Variants in CCDC171 observed in about 807,000 individuals in gnomAD.
CCDC171 encodes the protein coiled-coil domain-containing protein 171.
A neutral mutation model predicts 168.2 loss-of-function variants in CCDC171; 177 were observed. That is an observed-to-expected ratio of 1.05 (90% CI 0.93 to 1.19). CCDC171 has a LOEUF of 1.19. Ranked by LOEUF, CCDC171 falls within the 50% of genes most tolerant of loss-of-function variation. The pLI is 0.00. For synonymous variants in CCDC171, 687 were observed against 540.8 expected (o/e 1.27, Z -3.75); for missense variants, 1,991 against 1,539.0 (o/e 1.29, Z -4.91).
upstream of CCDC171, among the ~76,000 whole-genome samples, chr9:16,040,337 C>T (rs534097715): frequency 2.4e-4 from 36 of 152,302 alleles, no homozygotes; most frequent in South Asian, 1.0e-3. Flanking sequence ...GATGGACTGT[C>T]ATCTAGAAGG....
intron 18 of CCDC171, among the ~76,000 whole-genome samples, chr9:15,769,071 A>C: frequency 6.6e-6 from 1 of 152,246 alleles, no homozygotes. Context: ...GTCTCCAGAC[A>C]TATGAGAAAT....
chr9:15,932,642 C>G (rs1426391580), intron 25 of CCDC171, among the ~76,000 whole-genome samples: 1 of 151,860 alleles, frequency 6.6e-6, no homozygotes. Context: ...ACTTCCAGTA[C>G]TATGTTGAAT....
At chr9:15,740,257 C>A (rs915373485) in intron 16 of CCDC171, among the ~76,000 whole-genome samples, 2 of 151,802 alleles carry the variant, frequency 1.3e-5, no homozygotes, top group African/African-American at 4.8e-5. Flanking sequence ...ATATTTTTTT[C>A]CAGAAGGCCA....
the CCDC171 span, among the ~76,000 whole-genome samples, chr9:16,107,195 G>C: frequency 6.6e-6 from 1 of 152,032 alleles, no homozygotes; most frequent in Non-Finnish European, 1.5e-5. Flanking sequence ...TGTCACCCAG[G>C]CTGGAGTGCG....
chr9:15,587,614 C>T (rs868535747), intron 4 of CCDC171: 1 of 456,166 alleles, frequency 2.2e-6, no homozygotes, highest in Non-Finnish European at 4.4e-6. Flanking sequence ...TGGAGGTTTC[C>T]CAATAAATGA....
intron 18 of CCDC171, among the ~76,000 whole-genome samples, chr9:15,768,372 A>G (rs1379152538): frequency 1.3e-5 from 2 of 152,036 alleles, no homozygotes; most frequent in Admixed American, 6.6e-5. Context: ...TCCATATTCT[A>G]CATTTCTTAT....
At chr9:15,589,356 T>C (rs1179770539) in intron 4 of CCDC171, among the ~76,000 whole-genome samples, 1 of 152,236 alleles carries the variant, frequency 6.6e-6, no homozygotes, top group Non-Finnish European at 1.5e-5. Context: ...CAATCTGGAC[T>C]TTCCAATGAC....
Position 15,571,693 on chromosome 9 carries a change from T to A in CCDC171, c.111T>A (p.Asn37Lys), listed in dbSNP as rs999053170. 6.3e-7 allele frequency: 1 copy of A among 1,584,424 alleles called. No homozygotes were observed. The highest frequency in any genetic ancestry group is 8.5e-7 in the Non-Finnish European group (1 of 1,170,530). The change falls in exon 3 of 26, where the codon AAT becomes AAA. Residue 37 changes from asparagine to lysine, a missense_variant. Asn to Lys is a moderately conservative substitution (Grantham distance 94). Transcript: ENST00000380701. The stretch of plus-strand genomic sequence containing the variant: ...AAACAGAGTTGGATATTACTGATAA[T>A]CTCAGGAAGAAACTCCATTGGGCTA... ...KNETELDITD[N>K]LRKKLHWAKK...
chr9:15,702,215 T>A (rs1564244551), intron 11 of CCDC171, among the ~76,000 whole-genome samples: 2 of 152,084 alleles, frequency 1.3e-5, no homozygotes, highest in Non-Finnish European at 2.9e-5. Context: ...AGATGAGCTG[T>A]CATCCGTATG....
chr9:15,553,374 C>T (rs77207721), intron 1 of CCDC171, 72 bp downstream of exon 1: 1 of 152,210 alleles, frequency 6.6e-6, no homozygotes, highest in Non-Finnish European at 1.5e-5. Flanking sequence ...GTAGGGGCCC[C>T]TGAGTGAGTT....
intron 3 of CCDC171, among the ~76,000 whole-genome samples, chr9:15,574,335 G>T (rs1277861551): frequency 6.6e-6 from 1 of 151,554 alleles, no homozygotes; most frequent in Non-Finnish European, 1.5e-5. Flanking sequence ...AGTAGAGACG[G>T]GATTTCACCA....
chr9:15,777,813 A>G lies in CCDC171; in HGVS notation c.2885A>G (p.His962Arg), dbSNP rs760242640. The change falls in exon 19 of 26, where the codon CAT becomes CGT. Residue 962 changes from histidine (H) to arginine (R), a missense_variant. Coordinates refer to ENST00000380701, the MANE Select transcript of CCDC171 (RefSeq NM_173550.4). ...GCCCTGAAATATGGTTTGCGTGGCC[A>G]TGTGCCCATTACGGTATGTATACAC... is the stretch of plus-strand genomic sequence containing the variant. ...TLALKYGLRG[H>R]VPITKSTASL... 5.0e-6 allele frequency: 8 copies of G among 1,607,772 alleles called. 1 individual carries two copies. Among genetic ancestry groups the G allele is most frequent in the South Asian group, 4.5e-5 (4 of 89,550 alleles).
intron 3 of CCDC171, 139 bp downstream of exon 3, chr9:15,571,898 A>T (rs1342441687): frequency 2.9e-6 from 2 of 688,222 alleles, no homozygotes; most frequent in African/African-American, 3.8e-5. Flanking sequence ...TAAAGGAAAC[A>T]TAATTTTAAA....
intron 4 of CCDC171, among the ~76,000 whole-genome samples, chr9:15,581,939 A>G (rs1208998822): frequency 6.6e-6 from 1 of 152,240 alleles, no homozygotes; most frequent in Non-Finnish European, 1.5e-5. Context: ...ATGGGATCTA[A>G]TTAAACTAAA....
At chr9:15,865,254 T>G (rs895628861) in intron 23 of CCDC171, among the ~76,000 whole-genome samples, 12 of 152,056 alleles carry the variant, frequency 7.9e-5, no homozygotes, top group African/African-American at 2.9e-4. Context: ...TTTATAATAA[T>G]TAAATTCTAC....
chr9:15,945,749 T>C (rs1828281468), intron 25 of CCDC171, among the ~76,000 whole-genome samples: 1 of 151,980 alleles, frequency 6.6e-6, no homozygotes, highest in Admixed American at 6.6e-5. Flanking sequence ...CTTGTAAATT[T>C]GTTTGAGTTC....
intron 7 of CCDC171, among the ~76,000 whole-genome samples, chr9:15,633,216 A>G (rs981693715): frequency 2.0e-5 from 3 of 152,202 alleles, no homozygotes; most frequent in Non-Finnish European, 2.9e-5. Flanking sequence ...AAAAGAAACT[A>G]CCGTCAGAGT....
chr9:16,035,665 G>C (rs375240172), intron 7 of CCDC171: 117 of 152,274 alleles, frequency 7.7e-4, no homozygotes, highest in African/African-American at 2.6e-3. Flanking sequence ...ACCTTTCTGT[G>C]AGCATGGCTT....
chr9:15,920,550 C>T (rs1825181124), intron 25 of CCDC171, 128 bp downstream of exon 25: 2 of 653,456 alleles, frequency 3.1e-6, no homozygotes, highest in Non-Finnish European at 4.8e-6. Flanking sequence ...AATCAAGTGA[C>T]ATAAAATTAT....
Sources: gnomAD v4.1 joint callset for allele counts (sites outside exome capture counted in the v4.1 genomes callset) on GRCh38, gnomAD v4.1.1 for gene constraint, MANE v1.5 for transcripts, NCBI Gene and HGNC (gene_info 2026-07-23, HGNC 2026-07-21) for gene names.